Variants in CTNNA2 observed in about 807,000 individuals in gnomAD.
CTNNA2 encodes the protein catenin alpha-2.
In CTNNA2, 42 loss-of-function variants were observed where a neutral mutation model predicts 101.0. The observed-to-expected ratio is 0.42, with a 90% CI of 0.32 to 0.54. The LOEUF is 0.54. Ranked by LOEUF, CTNNA2 falls within the 20% of genes least tolerant of loss-of-function variation. The pLI is 0.14. For synonymous variants in CTNNA2, 450 were observed against 456.4 expected, an observed-to-expected ratio of 0.99 and a Z score of 0.18; for missense variants, 871 against 1,223.1, an observed-to-expected ratio of 0.71 and a Z score of 4.29.
intron 7 of CTNNA2, among the ~76,000 whole-genome samples, chr2:80,358,464 C>T (rs1163498724): frequency 6.6e-6 from 1 of 151,100 alleles, no homozygotes; most frequent in Non-Finnish European, 1.5e-5. Context: ...AATTCTCCTG[C>T]CTCAGCCTCC....
intron 9 of CTNNA2, among the ~76,000 whole-genome samples, chr2:80,426,273 G>A (rs1460063575): frequency 1.3e-5 from 2 of 152,174 alleles, no homozygotes; most frequent in South Asian, 2.1e-4. Context: ...TTCGGTCAGG[G>A]CTGGGGTGGA....
chr2:79,908,211 G>T (rs1433013810), intron 6 of CTNNA2, among the ~76,000 whole-genome samples: 1 of 152,096 alleles, frequency 6.6e-6, no homozygotes, highest in Non-Finnish European at 1.5e-5. Context: ...TAGGTCTTCG[G>T]CAGGTGCAGA....
At chr2:80,512,631 A>G (rs1688795418) in intron 9 of CTNNA2, among the ~76,000 whole-genome samples, 1 of 151,702 alleles carries the variant, frequency 6.6e-6, no homozygotes, top group South Asian at 2.1e-4. Flanking sequence ...TTATATATAC[A>G]TTTTCTATTT....
chr2:80,256,542 A>G (rs1573526927), intron 7 of CTNNA2, among the ~76,000 whole-genome samples: 2 of 151,908 alleles, frequency 1.3e-5, no homozygotes, highest in South Asian at 2.1e-4. Context: ...CCATCTAGGG[A>G]AAAAAAATCC....
intron 7 of CTNNA2, among the ~76,000 whole-genome samples, chr2:79,914,282 A>G (rs1686031360): frequency 6.6e-6 from 1 of 152,004 alleles, no homozygotes. Flanking sequence ...TCAACGTTGT[A>G]TCACCAAAAA....
At chr2:79,533,128 A>C (rs1395015636) in intron 1 of CTNNA2, among the ~76,000 whole-genome samples, 3 of 151,862 alleles carry the variant, frequency 2.0e-5, no homozygotes, top group African/African-American at 7.3e-5. Context: ...CTGATCCCTT[A>C]AAATGCTTCC....
chr2:80,229,125 A>G (rs1423757397), intron 7 of CTNNA2, among the ~76,000 whole-genome samples: 1 of 152,218 alleles, frequency 6.6e-6, no homozygotes, highest in Non-Finnish European at 1.5e-5. Flanking sequence ...TGTATAATAG[A>G]AATGAAACTC....
chr2:80,408,221 A>G (rs1360710174), intron 8 of CTNNA2, among the ~76,000 whole-genome samples: 1 of 152,104 alleles, frequency 6.6e-6, no homozygotes, highest in Non-Finnish European at 1.5e-5. Context: ...TCTAAGACCC[A>G]CAGGACTTGT....
At chr2:80,205,661 T>G (rs751741678) in intron 7 of CTNNA2, among the ~76,000 whole-genome samples, 5 of 152,186 alleles carry the variant, frequency 3.3e-5, no homozygotes, top group Non-Finnish European at 7.3e-5. Context: ...GAGTTTCTTT[T>G]TTGTTTGCTT....
At position 79,754,861 on chromosome 2, in the gene CTNNA2, A is replaced by G. The variant is rs181956529; in HGVS notation, c.298+10279A>G. Among the ~76,000 whole-genome samples, 182 of 151,974 alleles carry G rather than the reference A, an allele frequency of 1.2e-3. 1 individual carries two copies. The highest frequency in any genetic ancestry group is 4.2e-3 in the African/African-American group (175 of 41,330). On this transcript the variant is annotated intron_variant, in intron 3 of 18. Coordinates refer to ENST00000402739, the MANE Select transcript of CTNNA2 (RefSeq NM_001282597.3). Reference sequence around the variant, plus strand: ...TATGGGGAGCGGAGGGGATGTTTCCACTGAAGGAGGATACCTTTGGGGAAA... The same window carrying G: ...TATGGGGAGCGGAGGGGATGTTTCCGCTGAAGGAGGATACCTTTGGGGAAA...
At chr2:79,877,168 A>G (rs943513320) in intron 6 of CTNNA2, among the ~76,000 whole-genome samples, 8 of 152,088 alleles carry the variant, frequency 5.3e-5, no homozygotes, top group African/African-American at 1.9e-4. Flanking sequence ...TATGAGAATT[A>G]CATAAAGCGT....
chr2:79,660,421 C>G (rs977276305), intron 2 of CTNNA2, among the ~76,000 whole-genome samples: 1 of 150,900 alleles, frequency 6.6e-6, no homozygotes, highest in Non-Finnish European at 1.5e-5. Context: ...ATATAAGTAA[C>G]TAAGTTGTGA....
intron 7 of CTNNA2, among the ~76,000 whole-genome samples, chr2:80,197,390 AT>A (rs1706908645): frequency 6.6e-6 from 1 of 152,210 alleles, no homozygotes; most frequent in South Asian, 2.1e-4. Flanking sequence ...AAGAATAATT[AT>A]TGTTTATTGC....
At chr2:80,539,648 G>T (rs1006548778) in intron 9 of CTNNA2, among the ~76,000 whole-genome samples, 1 of 152,004 alleles carries the variant, frequency 6.6e-6, no homozygotes, top group Admixed American at 6.6e-5. Flanking sequence ...TGGTTTTAAG[G>T]TACTAAGTCA....
intron 7 of CTNNA2, among the ~76,000 whole-genome samples, chr2:80,067,772 T>A (rs1367337029): frequency 6.6e-6 from 1 of 152,170 alleles, no homozygotes; most frequent in African/African-American, 2.4e-5. Context: ...GACAGCCAGA[T>A]GCCATGTTTG....
chr2:80,460,174 A>AG (rs1684308240), intron 9 of CTNNA2, among the ~76,000 whole-genome samples: 1 of 152,094 alleles, frequency 6.6e-6, no homozygotes, highest in Non-Finnish European at 1.5e-5. Context: ...AAGAAAAAAA[A>AG]TTGCCTTTGT....
Position 80,076,890 on chromosome 2 carries a change from C to CA in CTNNA2, c.1056+167104dup, listed in dbSNP as rs890500095. ...GAAACCCCGTCTCTACTAAAAAATA[C>CA]AAAAAAAAAAATTAGCGTGGTGGTG... is the stretch of plus-strand genomic sequence containing the variant. On this transcript the variant is annotated intron_variant, in intron 7 of 18. Coordinates refer to ENST00000402739, the MANE Select transcript of CTNNA2 (RefSeq NM_001282597.3). 6.9e-3 allele frequency among the ~76,000 whole-genome samples: 997 copies of CA among 145,010 alleles called. 5 individuals are homozygous for CA. The highest frequency in any genetic ancestry group is 0.015 in the African/African-American group (609 of 39,674).
intron 1 of CTNNA2, among the ~76,000 whole-genome samples, chr2:79,604,982 A>G (rs1677789810): frequency 6.6e-6 from 1 of 152,348 alleles, no homozygotes; most frequent in East Asian, 1.9e-4. Flanking sequence ...ATCCAATCAC[A>G]AATTACCAGG....
intron 7 of CTNNA2, among the ~76,000 whole-genome samples, chr2:80,264,259 G>A (rs1018965074): frequency 2.6e-5 from 4 of 151,936 alleles, no homozygotes; most frequent in African/African-American, 7.3e-5. Context: ...GCTATTTAAC[G>A]ATATTGGAGG....
Sources: allele counts gnomAD v4.1 joint callset (sites outside exome capture counted in the v4.1 genomes callset), GRCh38; gene constraint gnomAD v4.1.1; transcripts MANE v1.5; gene names NCBI Gene and HGNC (gene_info 2026-07-23, HGNC 2026-07-21).